Variants in RFTN1 observed in about 807,000 individuals in gnomAD.
The protein encoded by RFTN1 is raftlin.
Under a neutral mutation model 46.5 loss-of-function variants are expected in RFTN1, and 26 were observed. The ratio of observed to expected loss-of-function variants is 0.56; its 90% CI spans 0.41 to 0.78. RFTN1 has a LOEUF of 0.78. Among genes scored for constraint, RFTN1 ranks in the 30% least tolerant of loss-of-function variants. The probability of loss-of-function intolerance (pLI) is 0.00; values close to 1 mark genes in which losing one functional copy is unlikely to be tolerated. For synonymous variants in RFTN1, 261 were observed against 284.2 expected (o/e 0.92, Z 0.82); for missense variants, 693 against 718.7 (o/e 0.96, Z 0.41).
chr3:16,408,237 AC>A (rs1194131839), intron 4 of RFTN1, among the ~76,000 whole-genome samples: 7 of 151,242 alleles, frequency 4.6e-5, no homozygotes, highest in Non-Finnish European at 8.8e-5. Flanking sequence ...CCCCAAAGAC[AC>A]CCCGTCATCC....
At position 16,365,846 on chromosome 3, in the gene RFTN1, G is replaced by A. The variant is rs1193821916; in HGVS notation, c.1030+4230C>T. Among the ~76,000 whole-genome samples the A allele has an allele frequency of 1.8e-4, 28 of 152,218 alleles. 1 individual carries two copies. The highest frequency in any genetic ancestry group is 7.3e-5 in the Non-Finnish European group (5 of 68,028). On this transcript the variant is annotated intron_variant, in intron 6 of 9. Coordinates refer to ENST00000334133, the MANE Select transcript of RFTN1 (RefSeq NM_015150.2). Reference sequence around the variant, plus strand: ...TCATGCAGGCCATTCTGCAGAATAAGAGGCTAGGTTCCTTTCAAGCAGTCA... The same window carrying A: ...TCATGCAGGCCATTCTGCAGAATAAAAGGCTAGGTTCCTTTCAAGCAGTCA...
intron 7 of RFTN1, among the ~76,000 whole-genome samples, chr3:16,328,172 C>G (rs1351650679): frequency 1.3e-5 from 2 of 152,232 alleles, no homozygotes; most frequent in Non-Finnish European, 2.9e-5. Flanking sequence ...TCTGGCAGGG[C>G]CATGGGACTT....
chr3:16,474,351 A>G lies in RFTN1; in HGVS notation c.145+19374T>C, dbSNP rs962416976. ...CCAGAGCTGTGCCACACTACAGCCC[A>G]TGCTTTTAATCACTCTGCCAGCACT... On this transcript the variant is annotated intron_variant, in intron 2 of 9. Transcript: ENST00000334133. This position sits in a 1 kb window ranked among gnomAD's most constrained non-coding sequence, Gnocchi z 5.5. Among the ~76,000 whole-genome samples the G allele has an allele frequency of 6.6e-6, 1 of 152,238 alleles. No homozygotes were observed. The highest frequency in any genetic ancestry group is 2.4e-5 in the African/African-American group (1 of 41,470).
In RFTN1 at chr3:16,484,305, G is replaced by A. The variant is rs1559370024; in HGVS notation, c.145+9420C>T. Among the ~76,000 whole-genome samples, 1 of 152,186 alleles carries A rather than the reference G, an allele frequency of 6.6e-6. No homozygotes were observed. The highest frequency in any genetic ancestry group is 2.4e-5 in the African/African-American group (1 of 41,444). ...TCAGACTAACACCCCCCAGACTGGA[G>A]GTCAAAGAAAAACTGGACCTGTAGA... On this transcript the variant is annotated intron_variant, in intron 2 of 9. Coordinates refer to ENST00000334133, the MANE Select transcript of RFTN1 (RefSeq NM_015150.2). The surrounding 1 kb of genome is among the most constrained non-coding windows in gnomAD (Gnocchi z 4.6).
rs12494938 is a variant in RFTN1 at position 16,448,044 on chromosome 3, G to A, written c.146-14007C>T. 6.4e-4 allele frequency among the ~76,000 whole-genome samples: 96 copies of A among 150,730 alleles called. 1 individual carries two copies. The highest frequency in any genetic ancestry group is 2.3e-3 in the Admixed American group (35 of 15,186). ...GAGCCACCAGCCACATGTGGCTATC[G>A]AGCATCTGAAATGTGGCCAGTGTGA... On this transcript the variant is annotated intron_variant, in intron 2 of 9. Coordinates refer to ENST00000334133, the MANE Select transcript of RFTN1 (RefSeq NM_015150.2). This position sits in a 1 kb window ranked among gnomAD's most constrained non-coding sequence, Gnocchi z 4.1.
At chr3:16,453,233 C>T (rs1203328462) in intron 2 of RFTN1, among the ~76,000 whole-genome samples, 2 of 152,194 alleles carry the variant, frequency 1.3e-5, no homozygotes, top group African/African-American at 4.8e-5. Context: ...TGCTCTTAAC[C>T]TCTACACTAT....
rs867440699 is a variant in RFTN1, at chr3:16,404,397, C to T, written c.441+4978G>A. Among the ~76,000 whole-genome samples the T allele has an allele frequency of 4.6e-4, 33 of 72,394 alleles. 5 individuals are homozygous for T. In the South Asian group the frequency reaches 0.013, roughly 28 times the overall value. 47.5% of individuals were successfully genotyped at this position (72,394 alleles called of 152,430 possible). ...ATATATATAATATATAATATATATACAATATATAATATATATACACAATAT... is the reference window on the plus strand; with the variant it reads ...ATATATATAATATATAATATATATATAATATATAATATATATACACAATAT... On this transcript the variant is annotated intron_variant, in intron 4 of 9. Coordinates refer to ENST00000334133, the MANE Select transcript of RFTN1 (RefSeq NM_015150.2).
At chr3:16,366,803 C>T (rs191023818) in intron 6 of RFTN1, among the ~76,000 whole-genome samples, 218 of 152,316 alleles carry the variant, frequency 1.4e-3, no homozygotes, top group African/African-American at 5.1e-3. Flanking sequence ...ACAAAGCAAC[C>T]GCTAGGTGTC....
chr3:16,330,643 T>TA (rs1173243027), intron 7 of RFTN1, among the ~76,000 whole-genome samples: 2 of 152,360 alleles, frequency 1.3e-5, no homozygotes, highest in East Asian at 1.9e-4. Context: ...CCTGGAGTGT[T>TA]AAAAAATGGA....
Position 16,422,032 on chromosome 3 carries a change from T to G in RFTN1, c.332+11819A>C, listed in dbSNP as rs1009516038. Among the ~76,000 whole-genome samples, 1 of 152,102 alleles carries G rather than the reference T, an allele frequency of 6.6e-6. No individual in the cohort carries two copies. Among genetic ancestry groups the G allele is most frequent in the Non-Finnish European group, 1.5e-5 (1 of 68,020 alleles). ...GACACATCATCTCTCTCCTAATTTTTCAATAAAATATATAAAAATAGACAC... is the reference window on the plus strand; with the variant it reads ...GACACATCATCTCTCTCCTAATTTTGCAATAAAATATATAAAAATAGACAC... On this transcript the variant is annotated intron_variant, in intron 3 of 9. Coordinates refer to ENST00000334133, the MANE Select transcript of RFTN1 (RefSeq NM_015150.2). The surrounding 1 kb of genome is among the most constrained non-coding windows in gnomAD (Gnocchi z 4.6).
rs1358348458 is a variant in RFTN1, at chr3:16,468,770, T to A, written c.145+24955A>T. Among the ~76,000 whole-genome samples, 1 of 152,192 alleles carries A rather than the reference T, an allele frequency of 6.6e-6. No individual in the cohort carries two copies. Among genetic ancestry groups the A allele is most frequent in the Non-Finnish European group, 1.5e-5 (1 of 68,042 alleles). ...ATTATCACCAATCATAAAAGATGAC[T>A]TATAAGAGGCCCTGGTGCCCCAGTA... On this transcript the variant is annotated intron_variant, in intron 2 of 9. Coordinates refer to ENST00000334133, the MANE Select transcript of RFTN1 (RefSeq NM_015150.2). The surrounding 1 kb of genome is among the most constrained non-coding windows in gnomAD (Gnocchi z 4.4).
At chr3:16,496,822 G>A (rs1223355444) in intron 1 of RFTN1, among the ~76,000 whole-genome samples, 3 of 152,076 alleles carry the variant, frequency 2.0e-5, no homozygotes, top group East Asian at 1.9e-4. Context: ...CCTGGAAACC[G>A]CCCAAACACC....
At position 16,400,878 on chromosome 3, in the gene RFTN1, CT is replaced by C. The variant is rs2074583997; in HGVS notation, c.441+8496del. On this transcript the variant is annotated intron_variant, in intron 4 of 9. Coordinates refer to ENST00000334133, the MANE Select transcript of RFTN1 (RefSeq NM_015150.2). This position sits in a 1 kb window ranked among gnomAD's most constrained non-coding sequence, Gnocchi z 4.5. The stretch of plus-strand genomic sequence containing the variant: ...TTTCCTCCATTAGGAACATCTAAGC[CT>C]GTAACCTTCCTCCTCCCTCCCCTGC... Among the ~76,000 whole-genome samples, 1 of 152,132 alleles carries C rather than the reference CT, an allele frequency of 6.6e-6. No homozygotes were observed. Among genetic ancestry groups the C allele is most frequent in the Admixed American group, 6.5e-5 (1 of 15,276 alleles).
intron 2 of RFTN1, among the ~76,000 whole-genome samples, chr3:16,444,726 G>A (rs73146205): frequency 0.012 from 1,900 of 152,348 alleles, 44 homozygotes; most frequent in African/African-American, 0.043. Context: ...CACTTGGCGA[G>A]CCCACCAAAT....
intron 3 of RFTN1, among the ~76,000 whole-genome samples, chr3:16,432,811 CTAATGTGTGTTGACG>C (rs1273800732): frequency 1.3e-5 from 2 of 152,148 alleles, no homozygotes; most frequent in Non-Finnish European, 2.9e-5. Flanking sequence ...ACTTTGAATT[CTAATGTGTGTTGACG>C]TAATGTGTGT....
In RFTN1 at chr3:16,381,113, G is replaced by A. The variant is rs1036448694; in HGVS notation, c.442-3011C>T. On this transcript the variant is annotated intron_variant, in intron 4 of 9. Coordinates refer to ENST00000334133, the MANE Select transcript of RFTN1 (RefSeq NM_015150.2). This position sits in a 1 kb window ranked among gnomAD's most constrained non-coding sequence, Gnocchi z 4.2. ...ATTACACTATCATGGAACAATTAAT[G>A]CTTGAAATGACATATAAAAAGTCAA... is the stretch of plus-strand genomic sequence containing the variant. Among the ~76,000 whole-genome samples the A allele has an allele frequency of 6.6e-6, 1 of 152,116 alleles. No homozygotes were observed. The highest frequency in any genetic ancestry group is 2.4e-5 in the African/African-American group (1 of 41,406).
In RFTN1 at chr3:16,404,321, A is replaced by AATATATAATATATAAT. The variant is rs1341895736; in HGVS notation, c.441+5038_441+5053dup. The stretch of plus-strand genomic sequence containing the variant: ...ATAATATGTAATATATATTATATAT[A>AATATATAATATATAAT]ATATATAATATATAATATATATAAT... On this transcript the variant is annotated intron_variant, in intron 4 of 9. Transcript: ENST00000334133. Among the ~76,000 whole-genome samples the AATATATAATATATAAT allele has an allele frequency of 8.9e-5, 2 of 22,580 alleles. 1 individual carries two copies. Among genetic ancestry groups the AATATATAATATATAAT allele is most frequent in the Non-Finnish European group, 1.6e-4 (2 of 12,746 alleles). The allele number at this position is 22,580 out of a possible 152,430, so 14.8% of individuals were successfully genotyped here.
In RFTN1 at chr3:16,452,761, G is replaced by C. The variant is rs1315962867; in HGVS notation, c.146-18724C>G. Among the ~76,000 whole-genome samples, 4 of 152,184 alleles carry C rather than the reference G, an allele frequency of 2.6e-5. No individual in the cohort carries two copies. The highest frequency in any genetic ancestry group is 5.9e-5 in the Non-Finnish European group (4 of 68,036). On this transcript the variant is annotated intron_variant, in intron 2 of 9. Transcript: ENST00000334133. The surrounding 1 kb of genome is among the most constrained non-coding windows in gnomAD (Gnocchi z 6.3). ...CTGGATTTAGAGATCACTGGGAGTG[G>C]AGAAATGCAACCAAGTCAGGCCGAA... is the stretch of plus-strand genomic sequence containing the variant.
chr3:16,434,077 C>T, intron 2 of RFTN1, 40 bp from the exon 3 acceptor site: 1 of 1,506,662 alleles, frequency 6.6e-7, no homozygotes, highest in Non-Finnish European at 8.8e-7. Context: ...AGACCCATCA[C>T]AACGCCCACT....
Sources: allele counts gnomAD v4.1 joint callset (sites outside exome capture counted in the v4.1 genomes callset), GRCh38; gene constraint gnomAD v4.1.1; non-coding constraint Gnocchi (gnomAD v3.1); transcripts MANE v1.5; gene names NCBI Gene and HGNC (gene_info 2026-07-23, HGNC 2026-07-21).